Variants in BMPER observed in about 807,000 individuals in gnomAD.
BMPER encodes the protein BMP binding endothelial regulator, also known as BMP-binding endothelial regulator protein.
A neutral mutation model predicts 87.3 loss-of-function variants in BMPER; 45 were observed. That is an observed-to-expected ratio of 0.52 (90% confidence interval 0.41 to 0.66). The LOEUF is 0.66. Among genes scored for constraint, BMPER ranks in the 30% least tolerant of loss-of-function variants. BMPER has a pLI of 0.00. For synonymous variants in BMPER, 326 were observed against 316.2 expected (o/e 1.03, Z -0.33); for missense variants, 784 against 867.5 (o/e 0.90, Z 1.21).
chr7:34,030,234 A>G (rs991801769), intron 6 of BMPER, among the ~76,000 whole-genome samples: 1 of 152,126 alleles, frequency 6.6e-6, no homozygotes, highest in Non-Finnish European at 1.5e-5. Flanking sequence ...ATTGTCAGCA[A>G]GAAATTTGCC....
chr7:34,076,295 C>T (rs1788863166), intron 11 of BMPER, among the ~76,000 whole-genome samples: 2 of 152,076 alleles, frequency 1.3e-5, no homozygotes, highest in Non-Finnish European at 2.9e-5. Context: ...CACAGTTTGA[C>T]TCTAAAAAAC....
At chr7:34,014,540 C>T (rs1462457887) in intron 6 of BMPER, among the ~76,000 whole-genome samples, 1 of 151,942 alleles carries the variant, frequency 6.6e-6, no homozygotes, top group East Asian at 2.0e-4. Flanking sequence ...CCCATTCATC[C>T]CTGTAGGTCT....
chr7:34,139,295 A>G (rs1267486107), intron 13 of BMPER, among the ~76,000 whole-genome samples: 1 of 152,250 alleles, frequency 6.6e-6, no homozygotes, highest in East Asian at 1.9e-4. Flanking sequence ...GAGGCTGCCA[A>G]AATACAGATT....
intron 8 of BMPER, among the ~76,000 whole-genome samples, chr7:34,054,530 ACTT>A (rs1260766652): frequency 6.6e-6 from 1 of 152,148 alleles, no homozygotes; most frequent in East Asian, 1.9e-4. Context: ...ATCAAATCAC[ACTT>A]CTTTAACTTA....
chr7:33,959,852 T>C (rs1469920828), intron 3 of BMPER, among the ~76,000 whole-genome samples: 1 of 152,198 alleles, frequency 6.6e-6, no homozygotes, highest in African/African-American at 2.4e-5. Flanking sequence ...CTTTACAGTC[T>C]CCAACAAACA....
chr7:34,115,794 A>G (rs1490229724), intron 13 of BMPER, among the ~76,000 whole-genome samples: 1 of 152,196 alleles, frequency 6.6e-6, no homozygotes, highest in Non-Finnish European at 1.5e-5. Context: ...GAAGAGTAAT[A>G]CCGTGTACAT....
At chr7:33,959,512 G>A (rs1448953826) in intron 3 of BMPER, among the ~76,000 whole-genome samples, 4 of 152,212 alleles carry the variant, frequency 2.6e-5, no homozygotes, top group African/African-American at 9.6e-5. Flanking sequence ...GCTTGACAGT[G>A]GGGTGCTGAA....
chr7:33,933,615 C>G (rs948246753), intron 2 of BMPER, among the ~76,000 whole-genome samples: 1 of 152,046 alleles, frequency 6.6e-6, no homozygotes, highest in Non-Finnish European at 1.5e-5. Flanking sequence ...CTGTTGATAT[C>G]CAAATTGGAA....
rs1245798599 is a variant in BMPER at position 34,030,662 on chromosome 7, C to G, written c.577-15644C>G. Among the ~76,000 whole-genome samples, 3 of 151,526 alleles carry G rather than the reference C, an allele frequency of 2.0e-5. No individual in the cohort carries two copies. In the East Asian group the frequency reaches 5.8e-4, roughly 29 times the overall value. ...TTTCGAGATGGGGTCTTCTCTGTTG[C>G]CCCAGCTGGAGTGCAGTGGTGCAAT... On this transcript the variant is annotated intron_variant, in intron 6 of 14. Coordinates refer to ENST00000649409, the MANE Select transcript of BMPER (RefSeq NM_001365308.1).
intron 6 of BMPER, among the ~76,000 whole-genome samples, chr7:34,007,571 A>G (rs1280000820): frequency 6.6e-6 from 1 of 151,794 alleles, no homozygotes; most frequent in African/African-American, 2.4e-5. Flanking sequence ...GTTCTGTGTC[A>G]TTTTTTCACT....
At chr7:33,926,662 G>C (rs921584171) in intron 2 of BMPER, among the ~76,000 whole-genome samples, 4 of 152,318 alleles carry the variant, frequency 2.6e-5, no homozygotes, top group Admixed American at 2.0e-4. Flanking sequence ...TCTGACATCT[G>C]CATGTGATCC....
chr7:34,070,620 A>C (rs957597), intron 11 of BMPER, among the ~76,000 whole-genome samples: 11,359 of 152,126 alleles, frequency 0.075, 640 homozygotes, highest in African/African-American at 0.16. Flanking sequence ...TTTATAAAAC[A>C]CTAGTGCTGA....
chr7:33,964,119 G>A (rs776160952), intron 3 of BMPER, among the ~76,000 whole-genome samples: 6 of 152,086 alleles, frequency 3.9e-5, no homozygotes, highest in African/African-American at 1.2e-4. Context: ...CATTTAGCTC[G>A]TTAGTTTCAT....
At chr7:34,055,842 G>T (rs991360523) in intron 9 of BMPER, among the ~76,000 whole-genome samples, 3 of 152,216 alleles carry the variant, frequency 2.0e-5, no homozygotes, top group Non-Finnish European at 2.9e-5. Flanking sequence ...AATCTCAGGT[G>T]TATTTTACAT....
Position 34,025,678 on chromosome 7 carries a change from T to G in BMPER, c.577-20628T>G, listed in dbSNP as rs574183031. 5.3e-5 allele frequency among the ~76,000 whole-genome samples: 8 copies of G among 151,980 alleles called. No homozygotes were observed. The East Asian group carries it at 1.6e-3, about 30-fold the overall frequency. ...AATCCAGCCTGAAAGCATGAGCCAGTGTGGGTGAGAAGAGATCGGGAGACT... is the reference window on the plus strand; with the variant it reads ...AATCCAGCCTGAAAGCATGAGCCAGGGTGGGTGAGAAGAGATCGGGAGACT... On this transcript the variant is annotated intron_variant, in intron 6 of 14. Coordinates refer to ENST00000649409, the MANE Select transcript of BMPER (RefSeq NM_001365308.1).
intron 6 of BMPER, among the ~76,000 whole-genome samples, chr7:34,041,257 G>A (rs1263472278): frequency 6.6e-6 from 1 of 152,126 alleles, no homozygotes; most frequent in African/African-American, 2.4e-5. Context: ...ACAAAAGCAT[G>A]CCCACAGGGT....
At chr7:34,017,065 T>C (rs372048029) in intron 6 of BMPER, among the ~76,000 whole-genome samples, 3 of 151,908 alleles carry the variant, frequency 2.0e-5, no homozygotes, top group African/African-American at 7.2e-5. Flanking sequence ...AGCATTTTCC[T>C]GGAAGGCCAG....
At chr7:34,017,677 T>A (rs559150940) in intron 6 of BMPER, among the ~76,000 whole-genome samples, 8 of 151,860 alleles carry the variant, frequency 5.3e-5, no homozygotes, top group Non-Finnish European at 1.0e-4. Flanking sequence ...CTGAGTGCTT[T>A]TTAACACACA....
chr7:34,026,881 C>T (rs1182793735), intron 6 of BMPER, among the ~76,000 whole-genome samples: 1 of 152,060 alleles, frequency 6.6e-6, no homozygotes, highest in Non-Finnish European at 1.5e-5. Flanking sequence ...TTTACTGGAA[C>T]AAAACTCATG....
Sources: gnomAD v4.1 joint callset for allele counts (sites outside exome capture counted in the v4.1 genomes callset) on GRCh38, gnomAD v4.1.1 for gene constraint, MANE v1.5 for transcripts, NCBI Gene and HGNC (gene_info 2026-07-23, HGNC 2026-07-21) for gene names.